Variants in GALNTL6 observed in about 807,000 individuals in gnomAD.
The protein encoded by GALNTL6 is polypeptide N-acetylgalactosaminyltransferase-like 6.
Under a neutral mutation model 73.7 loss-of-function variants are expected in GALNTL6, and 46 were observed. The observed-to-expected ratio is 0.62, with a 90% CI of 0.49 to 0.80. The LOEUF is 0.80. Ranked by LOEUF, GALNTL6 falls within the 30% of genes least tolerant of loss-of-function variation. GALNTL6 has a pLI of 0.00. For synonymous variants in GALNTL6, 259 were observed against 263.7 expected (o/e 0.98, Z 0.17); for missense variants, 604 against 755.0 (o/e 0.80, Z 2.34).
chr4:171,911,312 A>C (rs180962775), intron 2 of GALNTL6, among the ~76,000 whole-genome samples: 11 of 152,250 alleles, frequency 7.2e-5, no homozygotes, highest in Non-Finnish European at 1.3e-4. Flanking sequence ...GGCAAGCATC[A>C]CTACAACCAG....
At chr4:171,969,126 C>T (rs9994142) in intron 2 of GALNTL6, among the ~76,000 whole-genome samples, 3,919 of 152,186 alleles carry the variant, frequency 0.026, 161 homozygotes, top group African/African-American at 0.09. Flanking sequence ...TGAGCCACCG[C>T]GCCTGGCCTA....
intron 5 of GALNTL6, among the ~76,000 whole-genome samples, chr4:172,457,260 A>T (rs189823050): frequency 1.7e-3 from 256 of 152,204 alleles, no homozygotes; most frequent in Non-Finnish European, 2.0e-3. Flanking sequence ...GCAAAAACAT[A>T]CCAAATTGTA....
At chr4:172,735,063 A>G (rs1325257814) in intron 5 of GALNTL6, among the ~76,000 whole-genome samples, 1 of 152,210 alleles carries the variant, frequency 6.6e-6, no homozygotes, top group Non-Finnish European at 1.5e-5. Flanking sequence ...GCACCCACAC[A>G]GAGTCCCCAC....
intron 5 of GALNTL6, among the ~76,000 whole-genome samples, chr4:172,525,322 A>T (rs1463912534): frequency 6.6e-6 from 1 of 152,210 alleles, no homozygotes; most frequent in Non-Finnish European, 1.5e-5. Flanking sequence ...CATCTTTGCA[A>T]CATTGAACCT....
chr4:172,336,166 A>T (rs549852918), intron 4 of GALNTL6, among the ~76,000 whole-genome samples: 2 of 150,892 alleles, frequency 1.3e-5, no homozygotes, highest in African/African-American at 4.9e-5. Context: ...ATTTCAAAGA[A>T]TTTTGTTTAT....
intron 2 of GALNTL6, among the ~76,000 whole-genome samples, chr4:171,889,803 A>G (rs1381021719): frequency 6.6e-6 from 1 of 152,126 alleles, no homozygotes; most frequent in Non-Finnish European, 1.5e-5. Flanking sequence ...ATAAGTTATC[A>G]CTATGAAGTT....
At chr4:172,491,852 G>T (rs938886081) in intron 5 of GALNTL6, among the ~76,000 whole-genome samples, 3 of 152,054 alleles carry the variant, frequency 2.0e-5, no homozygotes, top group African/African-American at 4.8e-5. Flanking sequence ...TGATGGCATT[G>T]GTGTTCCTCA....
chr4:171,836,909 A>G (rs1735108661), intron 2 of GALNTL6, among the ~76,000 whole-genome samples: 1 of 152,206 alleles, frequency 6.6e-6, no homozygotes, highest in Non-Finnish European at 1.5e-5. Flanking sequence ...ACCCTAAGGT[A>G]TTAGAATGGA....
intron 5 of GALNTL6, among the ~76,000 whole-genome samples, chr4:172,676,863 G>A (rs910208546): frequency 1.3e-5 from 2 of 152,216 alleles, no homozygotes; most frequent in African/African-American, 4.8e-5. Context: ...ATTTAAATGT[G>A]TAAGGCAATT....
At chr4:171,940,440 A>G (rs1294848834) in intron 2 of GALNTL6, among the ~76,000 whole-genome samples, 1 of 152,200 alleles carries the variant, frequency 6.6e-6, no homozygotes, top group Non-Finnish European at 1.5e-5. Context: ...AATCAAGAAC[A>G]TAATGGGGAG....
At chr4:172,456,191 C>G (rs1451786066) in intron 5 of GALNTL6, among the ~76,000 whole-genome samples, 1 of 151,992 alleles carries the variant, frequency 6.6e-6, no homozygotes, top group East Asian at 1.9e-4. Flanking sequence ...AAAAACCATC[C>G]AAAGGTCACC....
Position 172,734,807 on chromosome 4 carries a change from C to T in GALNTL6, c.554-74554C>T, listed in dbSNP as rs1302418817. Among the ~76,000 whole-genome samples the T allele has an allele frequency of 2.6e-5, 4 of 152,268 alleles. No homozygotes were observed. The South Asian group carries it at 6.2e-4, about 24-fold the overall frequency. On this transcript the variant is annotated intron_variant, in intron 5 of 12. Transcript: ENST00000506823. ...CTGTGTGCAGCCAGGACTTGGTGCC[C>T]TGCATCCCAGCCGCTCCAGCCATGG...
chr4:172,478,723 C>T (rs1733331422), intron 5 of GALNTL6, among the ~76,000 whole-genome samples: 1 of 152,092 alleles, frequency 6.6e-6, no homozygotes, highest in Non-Finnish European at 1.5e-5. Flanking sequence ...AGACAATGTA[C>T]AGAGTGAGAT....
At chr4:171,972,374 A>G (rs1739598144) in intron 2 of GALNTL6, among the ~76,000 whole-genome samples, 1 of 152,108 alleles carries the variant, frequency 6.6e-6, no homozygotes, top group Admixed American at 6.5e-5. Flanking sequence ...TAGTATTGTC[A>G]ATTTCTTTAG....
intron 3 of GALNTL6, among the ~76,000 whole-genome samples, chr4:172,269,821 G>A (rs1738578146): frequency 6.6e-6 from 1 of 151,114 alleles, no homozygotes; most frequent in Admixed American, 6.6e-5. Context: ...GCACAATTTC[G>A]GCTCACTGCA....
intron 2 of GALNTL6, among the ~76,000 whole-genome samples, chr4:171,858,530 A>T (rs1341389258): frequency 6.6e-6 from 1 of 152,088 alleles, no homozygotes; most frequent in Non-Finnish European, 1.5e-5. Context: ...TCAGGTGTGG[A>T]ATCTGAAGCC....
intron 8 of GALNTL6, among the ~76,000 whole-genome samples, chr4:172,917,657 A>G (rs1747593156): frequency 6.6e-6 from 1 of 152,266 alleles, no homozygotes; most frequent in Non-Finnish European, 1.5e-5. Flanking sequence ...AATGCTTATC[A>G]TCACTGGCCA....
chr4:172,198,332 A>G (rs746798496), intron 2 of GALNTL6, among the ~76,000 whole-genome samples: 20 of 152,164 alleles, frequency 1.3e-4, no homozygotes, highest in African/African-American at 3.1e-4. Context: ...GAAAACCTAC[A>G]TAATGGGAGA....
At chr4:172,993,347 T>C (rs748206896) in intron 10 of GALNTL6, among the ~76,000 whole-genome samples, 2 of 152,244 alleles carry the variant, frequency 1.3e-5, no homozygotes, top group Non-Finnish European at 2.9e-5. Flanking sequence ...GCTGACACCT[T>C]GATCTTGAGC....
Sources: allele counts gnomAD v4.1 joint callset (sites outside exome capture counted in the v4.1 genomes callset), GRCh38; gene constraint gnomAD v4.1.1; transcripts MANE v1.5; gene names NCBI Gene and HGNC (gene_info 2026-07-23, HGNC 2026-07-21).